The following ANKRD22 variants were observed in gnomAD, a reference collection of about 807,000 sequenced individuals.
ANKRD22 encodes ankyrin repeat domain 22, also known as ankyrin repeat domain-containing protein 22.
Under a neutral mutation model 25.7 loss-of-function variants are expected in ANKRD22, and 24 were observed. That is an observed-to-expected ratio of 0.93 (90% CI 0.68 to 1.31). The LOEUF is 1.31. ANKRD22 is among the 50% of genes most tolerant of loss of function. The pLI is 0.00. For synonymous variants in ANKRD22, 84 were observed against 84.3 expected, an observed-to-expected ratio of 1.00 and a Z score of 0.02; for missense variants, 214 against 227.1, an observed-to-expected ratio of 0.94 and a Z score of 0.37.
intron 1 of ANKRD22, among the ~76,000 whole-genome samples, 183 bp downstream of exon 1, chr10:88,851,404 T>C (rs1242881723): frequency 2.6e-5 from 4 of 152,200 alleles, no homozygotes; most frequent in Admixed American, 6.6e-5. Context: ...AAATACTTTG[T>C]CTTAAACTAT....
In ANKRD22 at chr10:88,820,633, C is replaced by CT. The variant is rs1476962763; in HGVS notation, c.*2307dup. ...CCTGCACTTGGCACTAAATCCGACA[C>CT]TTACATTTACATTTTTTTTCTGTAA... On this transcript the variant is annotated 3_prime_UTR_variant, in exon 6 of 6. Transcript: ENST00000371930. 1.2e-5 allele frequency: 10 copies of CT among 829,764 alleles called. No homozygotes were observed. Among genetic ancestry groups the CT allele is most frequent in the African/African-American group, 5.2e-5 (3 of 58,208 alleles). 51.4% of individuals were successfully genotyped at this position (829,764 alleles called of 1,614,324 possible). A position where few individuals can be genotyped will look rare whatever the true frequency, so the allele number is the denominator to read the frequency against.
At chr10:88,849,908 A>G (rs1353889760) in intron 1 of ANKRD22, among the ~76,000 whole-genome samples, 2 of 152,024 alleles carry the variant, frequency 1.3e-5, no homozygotes, top group Non-Finnish European at 2.9e-5. Flanking sequence ...TCTTAAAAAT[A>G]TATATTGCAT....
In ANKRD22 at chr10:88,826,059, G is replaced by A. The variant is rs779925513; in HGVS notation, c.378C>T (p.Val126=). Residue 126 remains valine, a synonymous_variant, in exon 4 of 6, where the codon GTC becomes GTT. Coordinates refer to ENST00000371930, the MANE Select transcript of ANKRD22 (RefSeq NM_144590.3). ...TTACACAATCTGTAGCATTAACTTC[G>A]ACGCCAGCATCAAGTAGCATTCGTA... ...ALVRMLLDAG[V]EVNATDCYGC... is the part of the protein sequence containing the mutation. 16 of 1,612,342 alleles carry A rather than the reference G, an allele frequency of 9.9e-6. No individual in the cohort carries two copies. The highest frequency in any genetic ancestry group is 3.3e-5 in the Admixed American group (2 of 59,844).
chr10:88,845,047 G>A (rs1322192598), intron 1 of ANKRD22, among the ~76,000 whole-genome samples: 6 of 143,278 alleles, frequency 4.2e-5, no homozygotes, highest in African/African-American at 1.6e-4. Flanking sequence ...AGCTGTTTTT[G>A]TCTTGTCCTG....
intron 1 of ANKRD22, among the ~76,000 whole-genome samples, chr10:88,838,893 CGAG>C (rs1564606030): frequency 6.6e-6 from 1 of 151,974 alleles, no homozygotes; most frequent in South Asian, 2.1e-4. Context: ...GACTAGTAGG[CGAG>C]GAGGAGATTG....
intron 1 of ANKRD22, among the ~76,000 whole-genome samples, chr10:88,835,969 G>A (rs1843950468): frequency 6.6e-6 from 1 of 152,064 alleles, no homozygotes; most frequent in Non-Finnish European, 1.5e-5. Flanking sequence ...TGTAATTTGG[G>A]GGCACCCTGG....
At chr10:88,829,384 C>T (rs918736753) in intron 2 of ANKRD22, among the ~76,000 whole-genome samples, 1 of 152,122 alleles carries the variant, frequency 6.6e-6, no homozygotes, top group Non-Finnish European at 1.5e-5. Flanking sequence ...AATAAGAACA[C>T]TTTTTGTTTT....
At chr10:88,825,005 T>A (rs891030542) in intron 4 of ANKRD22, among the ~76,000 whole-genome samples, 14,445 of 91,350 alleles carry the variant, frequency 0.16, 806 homozygotes, top group East Asian at 0.3. Flanking sequence ...TCTCTCTCTC[T>A]CTCTCTCACA....
Position 88,820,211 on chromosome 10 carries a change from A to G in ANKRD22, c.*2730T>C. The G allele has an allele frequency of 6.5e-7, 1 of 1,534,346 alleles. No individual in the cohort carries two copies. The highest frequency in any genetic ancestry group is 8.8e-7 in the Non-Finnish European group (1 of 1,139,724). On this transcript the variant is annotated 3_prime_UTR_variant, in exon 6 of 6. Coordinates refer to ENST00000371930, the MANE Select transcript of ANKRD22 (RefSeq NM_144590.3). ...AAAGTCCAAATGTTACCTAGAGTTAAGAACTATTCCTTTTCTCTAGCCAAC... is the reference window on the plus strand; with the variant it reads ...AAAGTCCAAATGTTACCTAGAGTTAGGAACTATTCCTTTTCTCTAGCCAAC...
In ANKRD22 at chr10:88,820,659, A is replaced by G. The variant is rs1843782670; in HGVS notation, c.*2282T>C. On this transcript the variant is annotated 3_prime_UTR_variant, in exon 6 of 6. Coordinates refer to ENST00000371930, the MANE Select transcript of ANKRD22 (RefSeq NM_144590.3). ...TTACATTTACATTTTTTTTCTGTAA[A>G]TTAAAGTACTTATTAGGTAAATAGA... is the stretch of plus-strand genomic sequence containing the variant. 1 of 695,772 alleles carries G rather than the reference A, an allele frequency of 1.4e-6. No homozygotes were observed. Among genetic ancestry groups the G allele is most frequent in the Non-Finnish European group, 2.3e-6 (1 of 428,218 alleles). The allele number at this position is 695,772 out of a possible 1,614,324, so 43.1% of individuals were successfully genotyped here.
At chr10:88,844,467 T>C (rs1214564) in intron 1 of ANKRD22, among the ~76,000 whole-genome samples, 138,002 of 152,152 alleles carry the variant, frequency 0.91, 62,823 homozygotes, top group East Asian at 1. Flanking sequence ...TTTATGGGTT[T>C]CCAAATAGTA....
chr10:88,834,311 AG>A (rs1467734783), intron 1 of ANKRD22, among the ~76,000 whole-genome samples: 2 of 152,264 alleles, frequency 1.3e-5, no homozygotes, highest in African/African-American at 4.8e-5. Context: ...AGATAAATGA[AG>A]GGTATTTTAA....
In ANKRD22 at chr10:88,820,416, C is replaced by T; in HGVS notation, c.*2525G>A. The T allele has an allele frequency of 6.4e-7, 1 of 1,552,120 alleles. No homozygotes were observed. The highest frequency in any genetic ancestry group is 8.7e-7 in the Non-Finnish European group (1 of 1,147,056). Reference sequence around the variant, plus strand: ...GATTTCATCTGGGGTTTGGATGCTCCTCACCGTATGTACAATGAAATCATC... The same window carrying T: ...GATTTCATCTGGGGTTTGGATGCTCTTCACCGTATGTACAATGAAATCATC... On this transcript the variant is annotated 3_prime_UTR_variant, in exon 6 of 6. Transcript: ENST00000371930.
intron 1 of ANKRD22, among the ~76,000 whole-genome samples, chr10:88,834,105 A>C (rs1843930937): frequency 6.6e-6 from 1 of 152,226 alleles, no homozygotes; most frequent in African/African-American, 2.4e-5. Context: ...GGTTATGTCA[A>C]CACAATAGTG....
intron 1 of ANKRD22, among the ~76,000 whole-genome samples, chr10:88,849,237 G>A (rs1057263163): frequency 2.0e-5 from 3 of 151,974 alleles, no homozygotes; most frequent in Non-Finnish European, 2.9e-5. Context: ...TCTTCTTTCC[G>A]ATTTTTGTGC....
intron 1 of ANKRD22, among the ~76,000 whole-genome samples, chr10:88,839,312 G>T (rs2133078268): frequency 6.6e-6 from 1 of 152,244 alleles, no homozygotes; most frequent in African/African-American, 2.4e-5. Flanking sequence ...GAAATGGGGT[G>T]TAATGTGCCC....
chr10:88,833,003 A>AT (rs1402154736), intron 1 of ANKRD22, among the ~76,000 whole-genome samples: 2 of 152,176 alleles, frequency 1.3e-5, no homozygotes, highest in Non-Finnish European at 2.9e-5. Context: ...TTATCCAAGA[A>AT]GTCTTTTCTT....
intron 1 of ANKRD22, among the ~76,000 whole-genome samples, chr10:88,839,249 T>A (rs1404700968): frequency 6.6e-6 from 1 of 152,112 alleles, no homozygotes; most frequent in Non-Finnish European, 1.5e-5. Flanking sequence ...CCAGGAACTT[T>A]CTCTCTCTCA....
chr10:88,841,828 A>G (rs182303362), intron 1 of ANKRD22, among the ~76,000 whole-genome samples: 1 of 152,254 alleles, frequency 6.6e-6, no homozygotes, highest in Admixed American at 6.5e-5. Flanking sequence ...AACTGCAACC[A>G]ATCAAATATT....
Sources: allele counts gnomAD v4.1 joint callset (sites outside exome capture counted in the v4.1 genomes callset), GRCh38; gene constraint gnomAD v4.1.1; transcripts MANE v1.5; gene names NCBI Gene and HGNC (gene_info 2026-07-23, HGNC 2026-07-21).